Variants in SOX5 observed in about 807,000 individuals in gnomAD.
The protein encoded by SOX5 is transcription factor SOX-5.
A neutral mutation model predicts 92.0 loss-of-function variants in SOX5; 9 were observed. The observed-to-expected ratio is 0.10, with a 90% CI of 0.06 to 0.17. The LOEUF (loss-of-function observed/expected upper bound fraction) is 0.17. SOX5 is among the 10% of genes least tolerant of loss of function. The probability of loss-of-function intolerance (pLI) is 1.00; values close to 1 mark genes in which losing one functional copy is unlikely to be tolerated. For synonymous variants in SOX5, 344 were observed against 336.3 expected (o/e 1.02, Z -0.25); for missense variants, 642 against 944.5 (o/e 0.68, Z 4.20).
chr12:23,916,069 C>T (rs1426660462), intron 1 of SOX5, among the ~76,000 whole-genome samples: 1 of 152,080 alleles, frequency 6.6e-6, no homozygotes, highest in Admixed American at 6.5e-5. Context: ...CCAGAAAAAT[C>T]AAGCTAACAC....
intron 3 of SOX5, among the ~76,000 whole-genome samples, chr12:23,791,666 TA>T (rs1215538758): frequency 6.6e-6 from 1 of 151,840 alleles, no homozygotes; most frequent in Non-Finnish European, 1.5e-5. Context: ...CTTTAACCAA[TA>T]AAAAAAATCA....
At chr12:23,831,264 T>A (rs1181929146) in intron 3 of SOX5, among the ~76,000 whole-genome samples, 1 of 152,136 alleles carries the variant, frequency 6.6e-6, no homozygotes, top group Non-Finnish European at 1.5e-5. Flanking sequence ...GAAACAATAA[T>A]GTTGATTTTT....
intron 3 of SOX5, among the ~76,000 whole-genome samples, chr12:24,226,596 G>T (rs1448713874): frequency 6.6e-6 from 1 of 151,898 alleles, no homozygotes; most frequent in African/African-American, 2.4e-5. Context: ...TCAACCTCTG[G>T]AGTAACTGGG....
chr12:24,428,237 C>G (rs1307433122), intron 1 of SOX5, among the ~76,000 whole-genome samples: 6 of 150,420 alleles, frequency 4.0e-5, no homozygotes, highest in Non-Finnish European at 8.9e-5. Flanking sequence ...CCTGAGTTTA[C>G]AGTAAGAACA....
At chr12:24,056,758 G>A (rs1053773344) in intron 4 of SOX5, among the ~76,000 whole-genome samples, 121 of 151,340 alleles carry the variant, frequency 8.0e-4, no homozygotes, top group South Asian at 1.5e-3. Context: ...GGCGGATCAC[G>A]AGGTCAGGAG....
chr12:23,677,998 G>A (rs1487112678), intron 6 of SOX5, among the ~76,000 whole-genome samples: 2 of 152,106 alleles, frequency 1.3e-5, no homozygotes, highest in Non-Finnish European at 2.9e-5. Flanking sequence ...ATGGAACACA[G>A]CAATGAGATG....
Position 23,530,818 on chromosome 12 carries a change from T to TGTGTGTGC in SOX5, c.*3400_*3401insGCACACAC. 2 of 132,052 alleles carry TGTGTGTGC rather than the reference T, an allele frequency of 1.5e-5. No homozygotes were observed. Among genetic ancestry groups the TGTGTGTGC allele is most frequent in the African/African-American group, 2.8e-5 (1 of 36,114 alleles). The allele number at this position is 132,052 out of a possible 1,614,324, so 8.2% of individuals were successfully genotyped here. ...GGGCAAGTGTGTGTGTGTGTGTGTG[T>TGTGTGTGC]GCGCGCGCGCGCGCGCGCATGTGAG... On this transcript the variant is annotated 3_prime_UTR_variant, in exon 15 of 15. Coordinates refer to ENST00000451604, the MANE Select transcript of SOX5 (RefSeq NM_006940.6).
chr12:23,661,609 G>C (rs1407084688), intron 7 of SOX5, among the ~76,000 whole-genome samples: 1 of 152,096 alleles, frequency 6.6e-6, no homozygotes, highest in Non-Finnish European at 1.5e-5. Context: ...ACATAAAACT[G>C]TTCTACAGGT....
chr12:24,431,312 C>T lies in SOX5; in HGVS notation c.-250-62673G>A, dbSNP rs116318026. Among the ~76,000 whole-genome samples, 240 of 152,212 alleles carry T rather than the reference C, an allele frequency of 1.6e-3. 1 individual carries two copies. Among genetic ancestry groups the T allele is most frequent in the African/African-American group, 5.4e-3 (225 of 41,532 alleles). On this transcript the variant is annotated intron_variant, in intron 1 of 4. Coordinates refer to the SOX5 transcript ENST00000446891. ...ATTGAGAACCATGATAATTGAGAGGCAATTCTATTACAACTATCTAGTAAA... is the reference window on the plus strand; with the variant it reads ...ATTGAGAACCATGATAATTGAGAGGTAATTCTATTACAACTATCTAGTAAA...
At chr12:23,742,811 G>A (rs1323854949) in intron 4 of SOX5, among the ~76,000 whole-genome samples, 2 of 152,102 alleles carry the variant, frequency 1.3e-5, no homozygotes, top group African/African-American at 2.4e-5. Flanking sequence ...GGACAACATA[G>A]CAAGACTCCA....
chr12:24,352,601 G>GTTTTGTAAATT, intron 2 of SOX5, among the ~76,000 whole-genome samples: 2 of 152,158 alleles, frequency 1.3e-5, no homozygotes, highest in Non-Finnish European at 2.9e-5. Context: ...ATTTTACTCA[G>GTTTTGTAAATT]GCACTGATTG....
At chr12:24,040,207 A>C (rs1324771362) in intron 4 of SOX5, among the ~76,000 whole-genome samples, 1 of 152,196 alleles carries the variant, frequency 6.6e-6, no homozygotes, top group Admixed American at 6.5e-5. Context: ...TTTTCCAGGT[A>C]GTCTTTGAAA....
intron 3 of SOX5, among the ~76,000 whole-genome samples, chr12:24,245,988 A>G (rs1938618276): frequency 6.6e-6 from 1 of 152,156 alleles, no homozygotes; most frequent in African/African-American, 2.4e-5. Context: ...CTGTATGTTT[A>G]TTAAGTGTTT....
At chr12:23,683,101 A>G (rs1016287302) in intron 6 of SOX5, among the ~76,000 whole-genome samples, 4 of 151,960 alleles carry the variant, frequency 2.6e-5, no homozygotes, top group Non-Finnish European at 5.9e-5. Flanking sequence ...ACACAAATTT[A>G]TAAAGGGAGT....
chr12:24,547,014 A>G (rs1952686440), intron 1 of SOX5, among the ~76,000 whole-genome samples: 1 of 152,210 alleles, frequency 6.6e-6, no homozygotes, highest in Admixed American at 6.5e-5. Flanking sequence ...GACACACGCA[A>G]CATTTACATA....
intron 4 of SOX5, among the ~76,000 whole-genome samples, chr12:23,996,837 T>C (rs901806649): frequency 6.6e-6 from 1 of 152,176 alleles, no homozygotes; most frequent in African/African-American, 2.4e-5. Context: ...AAATAGGGAA[T>C]GGCTGCTTAC....
chr12:23,942,123 T>C (rs894066724), intron 1 of SOX5, among the ~76,000 whole-genome samples: 29 of 151,848 alleles, frequency 1.9e-4, no homozygotes, highest in Non-Finnish European at 4.0e-4. Flanking sequence ...TCAAGCAACC[T>C]AATTAACTGT....
At chr12:24,265,880 G>A (rs576428753) in intron 3 of SOX5, among the ~76,000 whole-genome samples, 76 of 151,948 alleles carry the variant, frequency 5.0e-4, no homozygotes, top group African/African-American at 1.7e-3. Context: ...CATCATACAC[G>A]ACCACCACAA....
At chr12:24,129,363 C>T (rs185538247) in intron 4 of SOX5, among the ~76,000 whole-genome samples, 1 of 152,084 alleles carries the variant, frequency 6.6e-6, no homozygotes, top group African/African-American at 2.4e-5. Flanking sequence ...GCTACGGACT[C>T]TATTAACTAC....
Sources: gnomAD v4.1 joint callset for allele counts (sites outside exome capture counted in the v4.1 genomes callset) on GRCh38, gnomAD v4.1.1 for gene constraint, MANE v1.5 for transcripts, NCBI Gene and HGNC (gene_info 2026-07-23, HGNC 2026-07-21) for gene names.